The following STAT2 variants were observed in gnomAD, a reference collection of about 807,000 sequenced individuals.
STAT2 encodes the protein interferon alpha induced transcriptional activator.
STAT2 carries 51 observed loss-of-function variants against 122.3 expected under a neutral mutation model. The ratio of observed to expected loss-of-function variants is 0.42; its 90% confidence interval spans 0.33 to 0.53. STAT2 has a LOEUF of 0.53. Among genes scored for constraint, STAT2 ranks in the 20% least tolerant of loss-of-function variants. The probability of loss-of-function intolerance (pLI) is 0.10; values close to 1 mark genes in which losing one functional copy is unlikely to be tolerated. For synonymous variants in STAT2, 351 were observed against 394.9 expected (o/e 0.89, Z 1.32); for missense variants, 736 against 1,010.3 (o/e 0.73, Z 3.68).
intron 8 of STAT2, chr12:56,352,373 G>GTTTT (rs1878654597): frequency 9.6e-6 from 1 of 104,470 alleles, no homozygotes; most frequent in Non-Finnish European, 2.0e-5. Context: ...TTTTTTTTTG[G>GTTTT]TGGGGGTGGG....
At chr12:56,357,710 CTTTTTTT>C (rs940388949) in intron 1 of STAT2, among the ~76,000 whole-genome samples, 1 of 130,154 alleles carries the variant, frequency 7.7e-6, no homozygotes, top group Non-Finnish European at 1.7e-5. Flanking sequence ...AATTTTCTTT[CTTTTTTT>C]TTTTTTTTTT....
At chr12:56,350,339 C>T in intron 12 of STAT2, 73 bp downstream of exon 12, 4 of 1,511,618 alleles carry the variant, frequency 2.6e-6, no homozygotes, top group Non-Finnish European at 3.6e-6. Flanking sequence ...GTTTGTGCCA[C>T]CAGGGCTGCC....
chr12:56,353,158 AT>A (rs1878817096), intron 8 of STAT2, among the ~76,000 whole-genome samples: 1 of 151,978 alleles, frequency 6.6e-6, no homozygotes, highest in African/African-American at 2.4e-5. Context: ...AAATTTTTGT[AT>A]TTTTAGTAGA....
intron 22 of STAT2, among the ~76,000 whole-genome samples, chr12:56,344,666 C>T (rs1877081227): frequency 2.6e-5 from 4 of 152,030 alleles, no homozygotes; most frequent in Admixed American, 1.3e-4. Flanking sequence ...AGGCCAGGAG[C>T]TCATGACCAG....
At chr12:56,354,177 A>G (rs1879143029) in intron 8 of STAT2, among the ~76,000 whole-genome samples, 1 of 146,880 alleles carries the variant, frequency 6.8e-6, no homozygotes, top group Non-Finnish European at 1.5e-5. Context: ...TTGTCATTGT[A>G]TTCGTTGCAG....
chr12:56,343,661 C>G (rs1876907334), intron 23 of STAT2, 130 bp from the exon 24 acceptor site: 1 of 1,517,360 alleles, frequency 6.6e-7, no homozygotes, highest in East Asian at 2.3e-5. Context: ...GATGAAAGAG[C>G]AGGGAGGTGG....
chr12:56,345,482 A>AAAACCCT (rs1877250906), intron 22 of STAT2, among the ~76,000 whole-genome samples: 1 of 119,794 alleles, frequency 8.3e-6, no homozygotes, highest in African/African-American at 3.5e-5. Flanking sequence ...CCTGGATAAC[A>AAAACCCT]GAGACCCTGT....
At chr12:56,348,469 G>T in intron 19 of STAT2, 60 bp downstream of exon 19, 2 of 1,551,942 alleles carry the variant, frequency 1.3e-6, no homozygotes, top group Non-Finnish European at 1.8e-6. Context: ...AGGGTGCAGA[G>T]ACTCCACTCT....
At chr12:56,344,223 A>C (rs1162287682) in intron 22 of STAT2, 88 bp from the exon 23 acceptor site, 10 of 1,470,644 alleles carry the variant, frequency 6.8e-6, no homozygotes, top group Non-Finnish European at 8.1e-6. Context: ...TAGTCTAAGA[A>C]GGCAGTAGGG....
In STAT2 at chr12:56,346,914, A is replaced by G. The variant is rs753344785; in HGVS notation, c.1766T>C (p.Leu589Pro). The change falls in exon 20 of 24, where the codon CTG becomes CCG. Residue 589 changes from leucine (L) to proline (P), a missense_variant. Physicochemically the swap from Leu to Pro is moderately conservative, Grantham distance 98. Coordinates refer to ENST00000314128, the MANE Select transcript of STAT2 (RefSeq NM_005419.4). ...GGTGCCAGACATGGTCTTCTTCAGC[A>G]GCCGGCGCTCCTGGCTCCGACTCAC... ...GFVSRSQERR[L>P]LKKTMSGTFL... 3.1e-6 allele frequency: 5 copies of G among 1,614,068 alleles called. No homozygotes were observed. The highest frequency in any genetic ancestry group is 1.3e-5 in the African/African-American group (1 of 74,934).
chr12:56,345,370 G>A (rs1258694575), intron 22 of STAT2, among the ~76,000 whole-genome samples: 6 of 145,688 alleles, frequency 4.1e-5, no homozygotes, highest in East Asian at 4.1e-4. Flanking sequence ...GTGTGATGGC[G>A]TGTGCCTGTA....
intron 8 of STAT2, among the ~76,000 whole-genome samples, chr12:56,352,964 G>A (rs138666903): frequency 1.3e-5 from 2 of 151,900 alleles, no homozygotes; most frequent in African/African-American, 4.8e-5. Context: ...GGGACTACAG[G>A]CGTGTGCCAC....
chr12:56,348,627 G>A lies in STAT2; in HGVS notation c.1630-4C>T. 1 of 1,614,202 alleles carries A rather than the reference G, an allele frequency of 6.2e-7. No individual in the cohort carries two copies. Among genetic ancestry groups the A allele is most frequent in the Non-Finnish European group, 8.5e-7 (1 of 1,180,032 alleles). ...ACTTGCCAGGAGGGCTCTCTCGCTG[G>A]AGGAGGAATGGAAAGGTAGCAAAAG... On this transcript the variant is annotated splice_polypyrimidine_tract_variant and splice_region_variant and intron_variant, in intron 18 of 23. Transcript: ENST00000314128.
intron 19 of STAT2, among the ~76,000 whole-genome samples, chr12:56,348,087 G>GTTTTT (rs745864117): frequency 3.1e-4 from 37 of 119,572 alleles, no homozygotes; most frequent in Non-Finnish European, 5.1e-4. Context: ...ATTATTGGTT[G>GTTTTT]TTTTTTTTTT....
At chr12:56,348,239 C>T (rs183861394) in intron 19 of STAT2, among the ~76,000 whole-genome samples, 2 of 152,038 alleles carry the variant, frequency 1.3e-5, no homozygotes, top group Admixed American at 1.3e-4. Flanking sequence ...AGGTGTCTGC[C>T]ACCACGCCCG....
At position 56,348,545 on chromosome 12, in the gene STAT2, C is replaced by A. The variant is rs1054332968; in HGVS notation, c.1708G>T (p.Asp570Tyr). 6.2e-7 allele frequency: 1 copy of A among 1,614,148 alleles called. No individual in the cohort carries two copies. ...ILELVHDHLK[D>Y]LWNDGRIMGF... ...AGGCCTTACCCATCATTCCAGAGAT[C>A]CTTCAGGTGGTCATGTACCAACTCC... Residue 570 changes from aspartate to tyrosine, a missense_variant, in exon 19 of 24, where the codon GAT becomes TAT. Physicochemically the swap from Asp to Tyr is radical, Grantham distance 160 (BLOSUM62 -3). Transcript: ENST00000314128.
intron 8 of STAT2, chr12:56,352,416 C>T (rs547880286): frequency 2.1e-5 from 3 of 142,926 alleles, no homozygotes; most frequent in Non-Finnish European, 4.5e-5. Flanking sequence ...AACCTGAAAG[C>T]CTGCTAGACA....
rs1880129126 is a variant in STAT2 at position 56,359,964 on chromosome 12, A to G, written c.-8+94T>C. The stretch of plus-strand genomic sequence containing the variant: ...TCTGGGGACCGAAGCTACCCTCTCC[A>G]GGGGGTAACCCCTGGGGCCAGTCGC... On this transcript the variant is annotated intron_variant, in intron 1 of 23. Transcript: ENST00000314128. 3.5e-6 allele frequency: 3 copies of G among 860,882 alleles called. No homozygotes were observed. The African/African-American group carries it at 5.5e-5, about 16-fold the overall frequency. The allele number at this position is 860,882 out of a possible 1,614,324, so 53.3% of individuals were successfully genotyped here.
Position 56,343,285 on chromosome 12 carries a change from G to T in STAT2, c.*104C>A. On this transcript the variant is annotated 3_prime_UTR_variant, in exon 24 of 24. Transcript: ENST00000314128. ...GGCCTGAGTTTGAACAGTTAACACA[G>T]CTTGGAAGGGACACATGCCTGATTC... 1 of 1,502,928 alleles carries T rather than the reference G, an allele frequency of 6.7e-7. No homozygotes were observed. The highest frequency in any genetic ancestry group is 9.0e-7 in the Non-Finnish European group (1 of 1,110,856). 93.1% of individuals were successfully genotyped at this position (1,502,928 alleles called of 1,614,324 possible). A position where few individuals can be genotyped will look rare whatever the true frequency, so the allele number is the denominator to read the frequency against.
Sources: allele counts gnomAD v4.1 joint callset (sites outside exome capture counted in the v4.1 genomes callset), GRCh38; gene constraint gnomAD v4.1.1; transcripts MANE v1.5; gene names NCBI Gene and HGNC (gene_info 2026-07-23, HGNC 2026-07-21).